The following PRIM2 variants were observed in gnomAD, a reference collection of about 807,000 sequenced individuals.
PRIM2 encodes the protein DNA primase large subunit.
PRIM2 carries 39 observed loss-of-function variants against 67.3 expected under a neutral mutation model. That is an observed-to-expected ratio of 0.58 (90% CI 0.45 to 0.76). The LOEUF (loss-of-function observed/expected upper bound fraction) is 0.76. Ranked by LOEUF, PRIM2 falls within the 30% of genes least tolerant of loss-of-function variation. PRIM2 has a pLI of 0.00. For synonymous variants in PRIM2, 143 were observed against 198.7 expected (o/e 0.72, Z 2.36); for missense variants, 398 against 598.7 (o/e 0.66, Z 3.50).
Position 57,537,476 on chromosome 6 carries a change from T to A in PRIM2, c.871T>A (p.Leu291Ile), listed in dbSNP as rs1775024619. ...TKSFPPCMRQLHKALRENHHL... is the reference protein window; with the variant it reads ...TKSFPPCMRQIHKALRENHHL... Reference sequence around the variant, plus strand: ...ATCCTTCCCACCTTGCATGCGTCAGTTACATAAAGCCTTGCGGGAAAATCA... The same window carrying A: ...ATCCTTCCCACCTTGCATGCGTCAGATACATAAAGCCTTGCGGGAAAATCA... The change falls in exon 10 of 14, where the codon TTA becomes ATA. Residue 291 changes from leucine to isoleucine, a missense_variant. This residue lies in a region of PRIM2 where 229 missense variants were observed against 383.6 expected (regional missense o/e 0.60). Coordinates refer to ENST00000615550, the MANE Select transcript of PRIM2 (RefSeq NM_000947.5). 6.7e-7 allele frequency: 1 copy of A among 1,492,714 alleles called. No individual in the cohort carries two copies. The highest frequency in any genetic ancestry group is 9.2e-7 in the Non-Finnish European group (1 of 1,084,404). The allele number at this position is 1,492,714 out of a possible 1,614,324, so 92.5% of individuals were successfully genotyped here. A position where few individuals can be genotyped will look rare whatever the true frequency, so the allele number is the denominator to read the frequency against.
chr6:57,609,645 A>G (rs1187981352), intron 12 of PRIM2, among the ~76,000 whole-genome samples: 11 of 152,220 alleles, frequency 7.2e-5, no homozygotes, highest in Admixed American at 6.5e-4. Flanking sequence ...ATCCATAAGT[A>G]TACTCCTTAC....
chr6:57,257,641 G>A, the PRIM2 span, among the ~76,000 whole-genome samples: 7 of 152,312 alleles, frequency 4.6e-5, no homozygotes, highest in African/African-American at 1.7e-4. Context: ...GTAACCTGTG[G>A]TTGAAACCAT....
At chr6:57,335,531 C>A in intron 5 of PRIM2, among the ~76,000 whole-genome samples, 1 of 152,190 alleles carries the variant, frequency 6.6e-6, no homozygotes, top group Non-Finnish European at 1.5e-5. Context: ...GGGCAGACTG[C>A]CTCCTCAAGT....
the PRIM2 span, among the ~76,000 whole-genome samples, chr6:57,255,711 C>T: frequency 5.3e-5 from 8 of 151,656 alleles, no homozygotes; most frequent in East Asian, 1.9e-4. Context: ...TACAGAAATT[C>T]GTGAACTTGT....
At chr6:57,485,609 GA>G (rs1167499487) in intron 7 of PRIM2, among the ~76,000 whole-genome samples, 3 of 152,174 alleles carry the variant, frequency 2.0e-5, no homozygotes, top group East Asian at 1.9e-4. Flanking sequence ...GAAGCTATGG[GA>G]AAAAAATGTA....
At chr6:57,363,963 T>G (rs1769274075) in intron 5 of PRIM2, among the ~76,000 whole-genome samples, 1 of 152,150 alleles carries the variant, frequency 6.6e-6, no homozygotes, top group African/African-American at 2.4e-5. Context: ...CTTTCTCTGC[T>G]GAGTTACAGA....
At chr6:57,425,645 T>G (rs549123047) in intron 7 of PRIM2, among the ~76,000 whole-genome samples, 2 of 152,296 alleles carry the variant, frequency 1.3e-5, no homozygotes, top group Non-Finnish European at 1.5e-5. Context: ...TTTAATGGCC[T>G]TTTTAGAGAC....
At chr6:57,319,789 C>T (rs796079607) in intron 2 of PRIM2, among the ~76,000 whole-genome samples, 24 of 152,068 alleles carry the variant, frequency 1.6e-4, no homozygotes, top group African/African-American at 5.5e-4. Flanking sequence ...CATGGCAGGA[C>T]GAAGAGTAGG....
intron 10 of PRIM2, among the ~76,000 whole-genome samples, chr6:57,568,672 T>A (rs1775797105): frequency 6.6e-6 from 1 of 152,222 alleles, no homozygotes; most frequent in Admixed American, 6.5e-5. Flanking sequence ...ACAAAGATAT[T>A]AAGGGAATAA....
intron 5 of PRIM2, among the ~76,000 whole-genome samples, chr6:57,350,711 G>A (rs556149897): frequency 7.9e-5 from 12 of 152,008 alleles, no homozygotes; most frequent in Non-Finnish European, 1.6e-4. Flanking sequence ...CTTCAGTGCC[G>A]CGTGGTTCTT....
At chr6:57,458,928 G>A (rs1473637192) in intron 7 of PRIM2, among the ~76,000 whole-genome samples, 5 of 152,192 alleles carry the variant, frequency 3.3e-5, no homozygotes, top group Non-Finnish European at 7.3e-5. Flanking sequence ...GAAGACCTGT[G>A]AAGAGGACCT....
rs746185340 is a variant in PRIM2 at position 57,379,963 on chromosome 6, T to C, written c.522T>C (p.Ser174=). 5.1e-6 allele frequency: 8 copies of C among 1,557,604 alleles called. No homozygotes were observed. The highest frequency in any genetic ancestry group is 6.1e-6 in the Non-Finnish European group (7 of 1,149,578). The part of the protein sequence containing the change: ...QEIVASSPSL[S]GLKLGFESIY... ...TTGTTGCCTCATCACCAAGTTTAAG[T>C]GGACTTAAGTTGGGGTTCGAGTCCA... Residue 174 remains serine, a synonymous_variant, in exon 6 of 14, where the codon AGT becomes AGC. Coordinates refer to ENST00000615550, the MANE Select transcript of PRIM2 (RefSeq NM_000947.5).
chr6:57,292,943 A>T, the PRIM2 span, among the ~76,000 whole-genome samples: 9 of 152,182 alleles, frequency 5.9e-5, no homozygotes, highest in Admixed American at 2.6e-4. Flanking sequence ...AGACTTCATG[A>T]TGAAAACACC....
chr6:57,492,809 A>G (rs1554346105), intron 7 of PRIM2, among the ~76,000 whole-genome samples: 14,079 of 152,178 alleles, frequency 0.093, 719 homozygotes, highest in East Asian at 0.2. Flanking sequence ...TTTAAAGCAA[A>G]TAATTGTTCA....
At chr6:57,289,679 C>T in the PRIM2 span, among the ~76,000 whole-genome samples, 4 of 152,166 alleles carry the variant, frequency 2.6e-5, no homozygotes, top group Non-Finnish European at 5.9e-5. Flanking sequence ...TAATTTTCAA[C>T]CCAGAATTTC....
chr6:57,530,856 C>G (rs1291427902), intron 8 of PRIM2, among the ~76,000 whole-genome samples: 1 of 152,112 alleles, frequency 6.6e-6, no homozygotes, highest in Non-Finnish European at 1.5e-5. Flanking sequence ...GCACACACCA[C>G]CATGCCTGGC....
At chr6:57,481,262 A>C (rs1773621640) in intron 7 of PRIM2, among the ~76,000 whole-genome samples, 1 of 152,118 alleles carries the variant, frequency 6.6e-6, no homozygotes, top group Non-Finnish European at 1.5e-5. Flanking sequence ...TTATAGTCAT[A>C]GCACCCCATC....
At chr6:57,241,752 A>C in the PRIM2 span, among the ~76,000 whole-genome samples, 1 of 137,782 alleles carries the variant, frequency 7.3e-6, no homozygotes, top group Non-Finnish European at 1.5e-5. Flanking sequence ...GGCTCACTGC[A>C]AGCTCTGCCT....
the PRIM2 span, among the ~76,000 whole-genome samples, chr6:57,240,131 C>CTTTTTTTTTTTTTTTTT: frequency 9.3e-6 from 1 of 107,908 alleles, no homozygotes; most frequent in African/African-American, 3.7e-5. Flanking sequence ...CGGAGTTTTG[C>CTTTTTTTTTTTTTTTTT]TCTTGTTGCC....
Sources: allele counts gnomAD v4.1 joint callset (sites outside exome capture counted in the v4.1 genomes callset), GRCh38; gene constraint gnomAD v4.1.1; regional missense constraint gnomAD v4.1.1; transcripts MANE v1.5; gene names NCBI Gene and HGNC (gene_info 2026-07-23, HGNC 2026-07-21).